The following RELN variants were observed in gnomAD, a reference collection of about 807,000 sequenced individuals.
The protein encoded by RELN is reelin.
In RELN, 108 loss-of-function variants were observed where a neutral mutation model predicts 427.6. That is an observed-to-expected ratio of 0.25 (90% CI 0.22 to 0.30). RELN has a LOEUF of 0.30. Among genes scored for constraint, RELN ranks in the 10% least tolerant of loss-of-function variants. The pLI is 1.00. For synonymous variants in RELN, 1,524 were observed against 1,513.4 expected, an observed-to-expected ratio of 1.01 and a Z score of -0.16; for missense variants, 3,715 against 4,302.8, an observed-to-expected ratio of 0.86 and a Z score of 3.82.
chr7:103,539,832 A>G (rs1830139475), intron 44 of RELN, among the ~76,000 whole-genome samples: 1 of 152,228 alleles, frequency 6.6e-6, no homozygotes, highest in South Asian at 2.1e-4. Context: ...TTCAAAGGCA[A>G]GAAAGAGGAT....
At chr7:103,518,805 T>G (rs185196750) in intron 49 of RELN, among the ~76,000 whole-genome samples, 60 of 152,254 alleles carry the variant, frequency 3.9e-4, no homozygotes, top group African/African-American at 1.4e-3. Flanking sequence ...CATTTCTAAT[T>G]GGTCATAATC....
intron 24 of RELN, among the ~76,000 whole-genome samples, chr7:103,596,919 C>A (rs1247039904): frequency 6.6e-6 from 1 of 152,182 alleles, no homozygotes; most frequent in Non-Finnish European, 1.5e-5. Flanking sequence ...TTGCTAATTA[C>A]ACCAAGAGTA....
chr7:103,842,720 A>G (rs1047996461), intron 2 of RELN, among the ~76,000 whole-genome samples: 1 of 152,238 alleles, frequency 6.6e-6, no homozygotes, highest in Non-Finnish European at 1.5e-5. Flanking sequence ...AAAAAGCACT[A>G]AAACCTTTTA....
intron 3 of RELN, among the ~76,000 whole-genome samples, chr7:103,777,242 T>C (rs1474869188): frequency 6.6e-6 from 1 of 152,132 alleles, no homozygotes; most frequent in African/African-American, 2.4e-5. Context: ...ATAACATCCT[T>C]GCAGCAGATG....
At chr7:103,875,556 T>C (rs1279024477) in intron 2 of RELN, among the ~76,000 whole-genome samples, 1 of 152,208 alleles carries the variant, frequency 6.6e-6, no homozygotes, top group Non-Finnish European at 1.5e-5. Context: ...AGATATTTAA[T>C]GTGTTACACC....
chr7:103,517,489 C>G (rs1459683172), intron 49 of RELN, among the ~76,000 whole-genome samples: 1 of 152,182 alleles, frequency 6.6e-6, no homozygotes. Context: ...CTTCAGAGAA[C>G]TAAAGTAGAT....
chr7:103,498,331 T>C (rs979271553), intron 53 of RELN, 79 bp from the exon 54 acceptor site: 34 of 1,292,906 alleles, frequency 2.6e-5, no homozygotes, highest in Non-Finnish European at 3.8e-5. Context: ...TACAGAGTGA[T>C]GTCTTGGACT....
chr7:103,728,347 T>C (rs1790266359), intron 6 of RELN, 140 bp from the exon 7 acceptor site: 2 of 807,740 alleles, frequency 2.5e-6, no homozygotes, highest in East Asian at 2.7e-5. Flanking sequence ...TTTTGCATCA[T>C]GATAAGGTTA....
At position 103,486,370 on chromosome 7, in the gene RELN, T is replaced by C; in HGVS notation, c.9810A>G (p.Lys3270=). Residue 3270 remains lysine (K), a synonymous_variant, in exon 61 of 65, where the codon AAA becomes AAG. Coordinates refer to ENST00000428762, the MANE Select transcript of RELN (RefSeq NM_005045.4). ...TGACTCTTGCGGACTCAAAATTATC[T>C]TTAATATAACTGGGAAGGTCGTGAC... ...VFSHDLPSYI[K]DNFESARVTE... The C allele has an allele frequency of 6.2e-7, 1 of 1,614,128 alleles. No individual in the cohort carries two copies. Among genetic ancestry groups the C allele is most frequent in the South Asian group, 1.1e-5 (1 of 91,076 alleles).
At chr7:103,594,516 G>A (rs755878569) in intron 25 of RELN, 24 bp from the exon 26 acceptor site, 40 of 1,610,122 alleles carry the variant, frequency 2.5e-5, no homozygotes, top group Middle Eastern at 1.6e-4. Flanking sequence ...AATCATTTAC[G>A]GTTGGGAAAA....
chr7:103,592,862 T>G (rs746480325), intron 27 of RELN, among the ~76,000 whole-genome samples: 1 of 152,180 alleles, frequency 6.6e-6, no homozygotes, highest in Non-Finnish European at 1.5e-5. Context: ...ATTTTTCCAT[T>G]GTAGTTTAGC....
chr7:103,775,849 A>G (rs764862784), intron 4 of RELN, among the ~76,000 whole-genome samples: 4 of 152,214 alleles, frequency 2.6e-5, no homozygotes, highest in Non-Finnish European at 5.9e-5. Flanking sequence ...TAGTCCCCAT[A>G]CTTGAGAAGC....
At chr7:103,714,376 C>T (rs546511679) in intron 8 of RELN, among the ~76,000 whole-genome samples, 6 of 152,224 alleles carry the variant, frequency 3.9e-5, no homozygotes, top group South Asian at 4.1e-4. Context: ...GAGTTCAAGA[C>T]AAGAGGGAAA....
At chr7:103,919,262 T>C (rs1471580126) in intron 1 of RELN, among the ~76,000 whole-genome samples, 1 of 151,746 alleles carries the variant, frequency 6.6e-6, no homozygotes, top group Non-Finnish European at 1.5e-5. Context: ...AATCTCTGTG[T>C]GTAAAAACCA....
chr7:103,815,325 C>A (rs1792844296), intron 3 of RELN, among the ~76,000 whole-genome samples: 1 of 152,134 alleles, frequency 6.6e-6, no homozygotes, highest in South Asian at 2.1e-4. Flanking sequence ...TTACTCTTTC[C>A]AGGCAAATAA....
At chr7:103,798,495 C>T (rs189014016) in intron 3 of RELN, among the ~76,000 whole-genome samples, 1 of 152,108 alleles carries the variant, frequency 6.6e-6, no homozygotes, top group Non-Finnish European at 1.5e-5. Flanking sequence ...TGAAGCTAAA[C>T]CAGTTATAAG....
At chr7:103,885,664 C>T (rs951343921) in intron 2 of RELN, among the ~76,000 whole-genome samples, 4 of 152,144 alleles carry the variant, frequency 2.6e-5, no homozygotes, top group Non-Finnish European at 5.9e-5. Flanking sequence ...GTGCAGCAAA[C>T]CACCATGGCA....
chr7:103,779,219 A>G (rs959538163), intron 3 of RELN, among the ~76,000 whole-genome samples: 2 of 152,176 alleles, frequency 1.3e-5, no homozygotes, highest in African/African-American at 2.4e-5. Flanking sequence ...GCACCAGCCA[A>G]TTCAACCAAA....
At chr7:103,577,048 G>T (rs1831019721) in intron 28 of RELN, among the ~76,000 whole-genome samples, 1 of 152,186 alleles carries the variant, frequency 6.6e-6, no homozygotes, top group African/African-American at 2.4e-5. Flanking sequence ...AAAGGATGAA[G>T]ATGTATTGGT....
Sources: gnomAD v4.1 joint callset for allele counts (sites outside exome capture counted in the v4.1 genomes callset) on GRCh38, gnomAD v4.1.1 for gene constraint, MANE v1.5 for transcripts, NCBI Gene and HGNC (gene_info 2026-07-23, HGNC 2026-07-21) for gene names.